Variants in PDE4D observed in about 807,000 individuals in gnomAD.
PDE4D encodes 3',5'-cyclic-AMP phosphodiesterase 4D.
Under a neutral mutation model 87.4 loss-of-function variants are expected in PDE4D, and 24 were observed. That is an observed-to-expected ratio of 0.27 (90% confidence interval 0.20 to 0.39). The LOEUF is 0.39. Among genes scored for constraint, PDE4D ranks in the 10% least tolerant of loss-of-function variants. The pLI is 1.00. For synonymous variants in PDE4D, 384 were observed against 383.2 expected, an observed-to-expected ratio of 1.00 and a Z score of -0.02; for missense variants, 714 against 1,041.0, an observed-to-expected ratio of 0.69 and a Z score of 4.32.
chr5:60,101,802 G>C (rs901278088), intron 2 of PDE4D, among the ~76,000 whole-genome samples: 2 of 152,154 alleles, frequency 1.3e-5, no homozygotes, highest in Non-Finnish European at 2.9e-5. Context: ...AGATGAGGTT[G>C]TGAATTTATG....
intron 1 of PDE4D, among the ~76,000 whole-genome samples, chr5:60,351,190 A>G (rs1759159192): frequency 6.6e-6 from 1 of 152,210 alleles, no homozygotes; most frequent in Non-Finnish European, 1.5e-5. Context: ...CACAGTCAAC[A>G]ACAGCATAGT....
chr5:59,027,410 C>T (rs540552650), intron 6 of PDE4D, among the ~76,000 whole-genome samples: 1 of 152,208 alleles, frequency 6.6e-6, no homozygotes, highest in Admixed American at 6.5e-5. Flanking sequence ...TCAATATGCA[C>T]AGCTCACACT....
intron 6 of PDE4D, among the ~76,000 whole-genome samples, chr5:59,004,490 G>A (rs1487184157): frequency 6.6e-6 from 1 of 152,174 alleles, no homozygotes; most frequent in Non-Finnish European, 1.5e-5. Context: ...AATGAATACA[G>A]GGGTGTTATG....
intron 1 of PDE4D, among the ~76,000 whole-genome samples, chr5:59,221,206 C>T (rs929214467): frequency 1.3e-5 from 2 of 152,144 alleles, no homozygotes; most frequent in Non-Finnish European, 2.9e-5. Flanking sequence ...ACTCTGTTTA[C>T]ACCTCTATTA....
chr5:60,054,439 C>G (rs1770555128), intron 2 of PDE4D, among the ~76,000 whole-genome samples: 1 of 152,074 alleles, frequency 6.6e-6, no homozygotes, highest in Non-Finnish European at 1.5e-5. Flanking sequence ...GAACAGAAAA[C>G]CAAACACCGC....
At chr5:59,207,043 G>T (rs1223462515) in intron 2 of PDE4D, among the ~76,000 whole-genome samples, 1 of 151,934 alleles carries the variant, frequency 6.6e-6, no homozygotes, top group Non-Finnish European at 1.5e-5. Context: ...AAATTAGCCG[G>T]GTGTGGTAGC....
At chr5:59,833,466 AG>A (rs538972672) in intron 1 of PDE4D, among the ~76,000 whole-genome samples, 211 of 152,190 alleles carry the variant, frequency 1.4e-3, no homozygotes, top group Non-Finnish European at 2.5e-3. Context: ...AGAGGGGAAC[AG>A]GTGATGTCAG....
At chr5:59,298,526 A>G (rs932723800) in intron 1 of PDE4D, among the ~76,000 whole-genome samples, 5 of 152,220 alleles carry the variant, frequency 3.3e-5, no homozygotes, top group African/African-American at 4.8e-5. Context: ...GTATTCATAA[A>G]TGGAACTTTG....
At chr5:60,256,632 A>T (rs568049479) in intron 1 of PDE4D, among the ~76,000 whole-genome samples, 3 of 152,056 alleles carry the variant, frequency 2.0e-5, no homozygotes, top group South Asian at 2.1e-4. Context: ...ATGTAAAATT[A>T]GTCCTACCTT....
At chr5:59,416,350 A>G (rs1049558450) in intron 1 of PDE4D, among the ~76,000 whole-genome samples, 4 of 152,188 alleles carry the variant, frequency 2.6e-5, no homozygotes, top group Non-Finnish European at 5.9e-5. Flanking sequence ...TAGTAACCAG[A>G]AAACCAGGGG....
chr5:60,488,365 G>T (rs1329524374), upstream of PDE4D: 1 of 151,930 alleles, frequency 6.6e-6, no homozygotes, highest in African/African-American at 2.4e-5. Flanking sequence ...CTGTGCCGGC[G>T]CTACGGGACC....
chr5:60,191,593 T>C (rs926215908), intron 1 of PDE4D, among the ~76,000 whole-genome samples: 6 of 152,186 alleles, frequency 3.9e-5, no homozygotes, highest in Non-Finnish European at 5.9e-5. Flanking sequence ...CCTTTATAAA[T>C]TGCCCAGTCT....
intron 1 of PDE4D, among the ~76,000 whole-genome samples, chr5:59,650,700 G>A (rs1306248721): frequency 1.3e-5 from 2 of 152,088 alleles, no homozygotes; most frequent in African/African-American, 4.8e-5. Flanking sequence ...TGTTATGGTC[G>A]ATTTTATTGT....
intron 1 of PDE4D, among the ~76,000 whole-genome samples, chr5:59,727,105 T>C (rs1756710647): frequency 6.6e-6 from 1 of 152,134 alleles, no homozygotes; most frequent in Non-Finnish European, 1.5e-5. Flanking sequence ...GTTGTTCTCA[T>C]ACTGTAGAAC....
At chr5:59,984,817 G>T (rs1457594217) in intron 3 of PDE4D, among the ~76,000 whole-genome samples, 1 of 152,104 alleles carries the variant, frequency 6.6e-6, no homozygotes, top group Non-Finnish European at 1.5e-5. Flanking sequence ...GAAAGTATCT[G>T]GCATACTGAT....
chr5:59,207,869 C>A (rs1749157390), intron 2 of PDE4D, among the ~76,000 whole-genome samples: 1 of 150,462 alleles, frequency 6.6e-6, no homozygotes, highest in Non-Finnish European at 1.5e-5. Context: ...TTTTTTTTCA[C>A]ATTTAAAAGA....
At chr5:59,512,049 A>T (rs1017082764) in intron 1 of PDE4D, among the ~76,000 whole-genome samples, 5 of 152,156 alleles carry the variant, frequency 3.3e-5, no homozygotes, top group African/African-American at 4.8e-5. Flanking sequence ...TAAACTTTTG[A>T]CTGTACCCAA....
chr5:60,408,127 A>G (rs539679036), intron 1 of PDE4D, among the ~76,000 whole-genome samples: 15 of 152,236 alleles, frequency 9.9e-5, no homozygotes, highest in African/African-American at 3.6e-4. Context: ...ATGTGACCCC[A>G]TCCTGGCATC....
At chr5:60,185,550 T>G (rs1210952979) in intron 2 of PDE4D, 7 of 1,520,682 alleles carry the variant, frequency 4.6e-6, no homozygotes, top group Non-Finnish European at 6.2e-6. Flanking sequence ...AAACAAAAGT[T>G]ACTTACACTT....
Sources: allele counts gnomAD v4.1 joint callset (sites outside exome capture counted in the v4.1 genomes callset), GRCh38; gene constraint gnomAD v4.1.1; transcripts MANE v1.5; gene names NCBI Gene and HGNC (gene_info 2026-07-23, HGNC 2026-07-21).